The following CDKL5 variants were observed in gnomAD, a reference collection of about 807,000 sequenced individuals.
CDKL5 encodes the protein cyclin-dependent kinase-like 5.
In CDKL5, 8 loss-of-function variants were observed where a neutral mutation model predicts 61.7. That is an observed-to-expected ratio of 0.13 (90% CI 0.08 to 0.23). CDKL5 has a LOEUF of 0.23. Among genes scored for constraint, CDKL5 ranks in the 10% least tolerant of loss-of-function variants. The pLI is 1.00. For synonymous variants in CDKL5, 275 were observed against 272.3 expected (o/e 1.01, Z -0.10); for missense variants, 440 against 734.5 (o/e 0.60, Z 4.63).
intron 4 of CDKL5, among the ~76,000 whole-genome samples, chrX:18,572,796 C>T (rs777518802): frequency 8.9e-6 from 1 of 112,156 alleles, no homozygotes; most frequent in East Asian, 2.8e-4. Flanking sequence ...GTGTCAGGTA[C>T]AGTCCTGGTG....
intron 16 of CDKL5, chrX:18,623,757 C>A: frequency 4.4e-6 from 1 of 226,021 alleles, no homozygotes; most frequent in Non-Finnish European, 6.4e-6. Context: ...AGATGCACAG[C>A]ACCGAGATTC....
At chrX:18,442,146 C>T (rs1010297607) in intron 1 of CDKL5, 1 of 111,512 alleles carries the variant, frequency 9.0e-6, no homozygotes, top group African/African-American at 3.3e-5. Context: ...GCCTCTCAGG[C>T]TTAGCTGCTG....
rs2090496755 is a variant in CDKL5 at position 18,635,109 on chromosome X, T to G, written c.*6352T>G. 1 of 746,631 alleles carries G rather than the reference T, an allele frequency of 1.3e-6. No individual in the cohort carries two copies. Among genetic ancestry groups the G allele is most frequent in the African/African-American group, 2.3e-5 (1 of 42,601 alleles). 61.5% of individuals were successfully genotyped at this position (746,631 alleles called of 1,213,427 possible). A position where few individuals can be genotyped will look rare whatever the true frequency, so the allele number is the denominator to read the frequency against. ...TTAATTTTTGAATCCAAACTGAATT[T>G]AAAGTGTTGAATACTTAAATCCTCA... On this transcript the variant is annotated 3_prime_UTR_variant, in exon 18 of 18. Coordinates refer to ENST00000623535, the MANE Select transcript of CDKL5 (RefSeq NM_001323289.2).
At chrX:18,450,255 A>C (rs1488283777) in intron 1 of CDKL5, among the ~76,000 whole-genome samples, 2 of 112,363 alleles carry the variant, frequency 1.8e-5, no homozygotes, top group Non-Finnish European at 3.8e-5. Context: ...TGGAAAATGA[A>C]AATCTACTCC....
At chrX:18,437,337 T>C (rs1484641573) in intron 1 of CDKL5, among the ~76,000 whole-genome samples, 1 of 112,217 alleles carries the variant, frequency 8.9e-6, no homozygotes, top group African/African-American at 3.2e-5. Context: ...TATAGGAATG[T>C]CATTTCTATT....
intron 1 of CDKL5, among the ~76,000 whole-genome samples, chrX:18,491,728 G>A (rs959714503): frequency 9.0e-6 from 1 of 111,166 alleles, no homozygotes; most frequent in Non-Finnish European, 1.9e-5. Context: ...AAAAAGATAC[G>A]TGATATTTAA....
intron 1 of CDKL5, among the ~76,000 whole-genome samples, chrX:18,504,991 A>G (rs919651135): frequency 9.0e-6 from 1 of 110,687 alleles, no homozygotes; most frequent in Non-Finnish European, 1.9e-5. Flanking sequence ...CTTCTTGTTT[A>G]GATTTGTTTC....
Position 18,518,388 on chromosome X carries a change from A to ATTTTTTTTTTTTTTTTTTTTTTTTTTTTT in CDKL5, c.99+7541_99+7569dup, listed in dbSNP as rs779361711. Among the ~76,000 whole-genome samples the ATTTTTTTTTTTTTTTTTTTTTTTTTTTTT allele has an allele frequency of 9.5e-5, 2 of 21,163 alleles. 1 individual carries two copies. The highest frequency in any genetic ancestry group is 1.7e-4 in the Non-Finnish European group (2 of 11,601). The allele number at this position is 21,163 out of a possible 115,157, so 18.4% of individuals were successfully genotyped here. Reference sequence around the variant, plus strand: ...AAGTCATGTTTTCTTTTCTTTTCTTATTTTTTTTTTTTTTTTTTTTTTTTT... The same window carrying ATTTTTTTTTTTTTTTTTTTTTTTTTTTTT: ...AAGTCATGTTTTCTTTTCTTTTCTTATTTTTTTTTTTTTTTTTTTTTTTTTTTTTTTTTTTTTTTTTTTTTTTTTTTTTT... On this transcript the variant is annotated intron_variant, in intron 3 of 17. Coordinates refer to ENST00000623535, the MANE Select transcript of CDKL5 (RefSeq NM_001323289.2).
chrX:18,653,282 T>A lies in CDKL5; in HGVS notation c.2981-150T>A, dbSNP rs1928124627. ...CTCAACGGTGGAAGAGACAGAGCTTTTAGTATTTTTAATAGCATTAAAGTG... is the reference window on the plus strand; with the variant it reads ...CTCAACGGTGGAAGAGACAGAGCTTATAGTATTTTTAATAGCATTAAAGTG... On this transcript the variant is annotated intron_variant, in intron 21 of 21. Transcript: ENST00000379989. 6 of 1,090,328 alleles carry A rather than the reference T, an allele frequency of 5.5e-6. No individual in the cohort carries two copies. The Admixed American group carries it at 1.8e-4, about 33-fold the overall frequency. 89.9% of individuals were successfully genotyped at this position (1,090,328 alleles called of 1,213,427 possible). A position where few individuals can be genotyped will look rare whatever the true frequency, so the allele number is the denominator to read the frequency against.
At chrX:18,467,874 T>C (rs1160104941) in intron 1 of CDKL5, among the ~76,000 whole-genome samples, 1 of 112,005 alleles carries the variant, frequency 8.9e-6, no homozygotes, top group Non-Finnish European at 1.9e-5. Flanking sequence ...CCCACCTTTT[T>C]TTTTGTCTTT....
At chrX:18,518,406 T>TTTTTTTTTTTTTTTTTTTTTTTTTG (rs1923121509) in intron 3 of CDKL5, among the ~76,000 whole-genome samples, 1 of 66,673 alleles carries the variant, frequency 1.5e-5, no homozygotes, top group Non-Finnish European at 2.8e-5. Context: ...TTTTTTTTTT[T>TTTTTTTTTTTTTTTTTTTTTTTTTG]TTTTTTTTTT....
chrX:18,641,454 G>T, downstream of CDKL5: 1 of 120,378 alleles, frequency 8.3e-6, no homozygotes, highest in Admixed American at 8.2e-5. Context: ...CAGGGCACCG[G>T]GATTCTCACC....
intron 20 of CDKL5, among the ~76,000 whole-genome samples, chrX:18,649,401 C>G (rs1350249539): frequency 9.0e-6 from 1 of 111,449 alleles, no homozygotes; most frequent in Non-Finnish European, 1.9e-5. Flanking sequence ...TAAGGCAAAT[C>G]ATAGTATTTT....
chrX:18,526,597 T>A (rs1005850540), intron 3 of CDKL5, among the ~76,000 whole-genome samples: 2 of 111,602 alleles, frequency 1.8e-5, no homozygotes, highest in Non-Finnish European at 3.8e-5. Context: ...ATGTTCTTCA[T>A]CTGAGGAAGT....
chrX:18,487,061 A>T (rs780205066), intron 1 of CDKL5, among the ~76,000 whole-genome samples: 1 of 111,872 alleles, frequency 8.9e-6, no homozygotes, highest in Non-Finnish European at 1.9e-5. Flanking sequence ...TGTAGATAAG[A>T]ATTGTGGTTA....
chrX:18,550,550 A>G (rs1924350539), intron 3 of CDKL5, among the ~76,000 whole-genome samples: 1 of 112,459 alleles, frequency 8.9e-6, no homozygotes, highest in Non-Finnish European at 1.9e-5. Flanking sequence ...TTAGTGAGCT[A>G]TAAATTACTG....
chrX:18,435,050 A>G (rs1303938072), intron 1 of CDKL5, among the ~76,000 whole-genome samples: 1 of 112,412 alleles, frequency 8.9e-6, no homozygotes, highest in African/African-American at 3.2e-5. Context: ...AGATAAAAAA[A>G]GGTGGTGAGT....
chrX:18,622,459 T>G (rs1926916906), intron 16 of CDKL5, among the ~76,000 whole-genome samples: 1 of 112,070 alleles, frequency 8.9e-6, no homozygotes, highest in Non-Finnish European at 1.9e-5. Context: ...CGCCTGACAT[T>G]GGGTTAACTC....
chrX:18,504,046 G>T (rs1260824450), intron 1 of CDKL5, among the ~76,000 whole-genome samples: 1 of 111,422 alleles, frequency 9.0e-6, no homozygotes, highest in Non-Finnish European at 1.9e-5. Context: ...GAGCCACTGT[G>T]CCTGGCTAGG....
Sources: gnomAD v4.1 joint callset for allele counts (sites outside exome capture counted in the v4.1 genomes callset) on GRCh38, gnomAD v4.1.1 for gene constraint, MANE v1.5 for transcripts, NCBI Gene and HGNC (gene_info 2026-07-23, HGNC 2026-07-21) for gene names.